Variants in DSCAML1 observed in about 807,000 individuals in gnomAD.
DSCAML1 encodes cell adhesion molecule DSCAML1.
In DSCAML1, 38 loss-of-function variants were observed where a neutral mutation model predicts 200.5. That is an observed-to-expected ratio of 0.19 (90% confidence interval 0.15 to 0.25). The LOEUF is 0.25. Ranked by LOEUF, DSCAML1 falls within the 10% of genes least tolerant of loss-of-function variation. The pLI, the probability that DSCAML1 is intolerant of heterozygous loss-of-function variation, is 1.00. For synonymous variants in DSCAML1, 1,215 were observed against 1,165.0 expected, an observed-to-expected ratio of 1.04 and a Z score of -0.87; for missense variants, 2,223 against 2,858.8, an observed-to-expected ratio of 0.78 and a Z score of 5.07.
At position 117,498,175 on chromosome 11, in the gene DSCAML1, C is replaced by T. The variant is rs572973475; in HGVS notation, c.2359+5670G>A. ...TCTGTGACGAGATAGGACCCACCACCGGGGAACACACAGGAATATCTTGGG... is the reference window on the plus strand; with the variant it reads ...TCTGTGACGAGATAGGACCCACCACTGGGGAACACACAGGAATATCTTGGG... On this transcript the variant is annotated intron_variant, in intron 11 of 32. Transcript: ENST00000651296. The surrounding 1 kb of genome is among the most constrained non-coding windows in gnomAD (Gnocchi z 4.0). 3.5e-4 allele frequency among the ~76,000 whole-genome samples: 54 copies of T among 152,332 alleles called. No homozygotes were observed. The highest frequency in any genetic ancestry group is 1.2e-3 in the African/African-American group (51 of 41,572).
intron 3 of DSCAML1, among the ~76,000 whole-genome samples, chr11:117,571,267 A>G (rs772827957): frequency 6.6e-6 from 1 of 152,194 alleles, no homozygotes; most frequent in Non-Finnish European, 1.5e-5. Flanking sequence ...GATCATCCTT[A>G]TCATTGCAGT....
chr11:117,524,133 C>T (rs538272965), intron 5 of DSCAML1, among the ~76,000 whole-genome samples: 2 of 152,358 alleles, frequency 1.3e-5, no homozygotes, highest in South Asian at 4.1e-4. Context: ...CCCTCTCTGC[C>T]TGCCTTGGGG....
At chr11:117,530,577 C>A (rs57434987) in intron 4 of DSCAML1, among the ~76,000 whole-genome samples, 8,166 of 152,232 alleles carry the variant, frequency 0.054, 398 homozygotes, top group East Asian at 0.12. Context: ...CTCGGCACCT[C>A]GTGTGTGTTA....
rs765325219 is a variant in DSCAML1, at chr11:117,505,056, G to A, written c.2063-13C>T. 1.2e-6 allele frequency: 2 copies of A among 1,608,014 alleles called. No homozygotes were observed. Among genetic ancestry groups the A allele is most frequent in the Non-Finnish European group, 1.7e-6 (2 of 1,176,822 alleles). On this transcript the variant is annotated splice_polypyrimidine_tract_variant and intron_variant, in intron 9 of 32. Coordinates refer to ENST00000651296, the MANE Select transcript of DSCAML1 (RefSeq NM_020693.4). This position sits in a 1 kb window ranked among gnomAD's most constrained non-coding sequence, Gnocchi z 6.7. Reference sequence around the variant, plus strand: ...AATCGAGGGGGCACTGCAGAAAGAGGGAAGGTAGGGAAACAGACCATTTTA... The same window carrying A: ...AATCGAGGGGGCACTGCAGAAAGAGAGAAGGTAGGGAAACAGACCATTTTA...
intron 3 of DSCAML1, among the ~76,000 whole-genome samples, chr11:117,772,958 C>A (rs920717599): frequency 2.6e-5 from 4 of 152,102 alleles, no homozygotes; most frequent in African/African-American, 9.7e-5. Flanking sequence ...GGAGTGGAGG[C>A]GGGTATAGTA....
intron 3 of DSCAML1, among the ~76,000 whole-genome samples, chr11:117,733,361 G>A (rs947390179): frequency 2.6e-5 from 4 of 152,324 alleles, no homozygotes; most frequent in Admixed American, 2.6e-4. Flanking sequence ...GGTGCAGAGT[G>A]GGGCTCAGTG....
intron 3 of DSCAML1, among the ~76,000 whole-genome samples, chr11:117,575,248 A>G (rs2050911684): frequency 6.6e-6 from 1 of 152,218 alleles, no homozygotes; most frequent in Non-Finnish European, 1.5e-5. Context: ...CTCTGGGACC[A>G]CATCTGGAGG....
At chr11:117,795,805 G>C (rs2055561869) in intron 1 of DSCAML1, among the ~76,000 whole-genome samples, 1 of 152,216 alleles carries the variant, frequency 6.6e-6, no homozygotes, top group Non-Finnish European at 1.5e-5. Flanking sequence ...CGGCAGGGCA[G>C]GGTTGGACCC....
intron 3 of DSCAML1, among the ~76,000 whole-genome samples, chr11:117,640,211 C>G (rs373768122): frequency 6.6e-6 from 1 of 152,208 alleles, no homozygotes; most frequent in Admixed American, 6.5e-5. Flanking sequence ...CTTGCCACTC[C>G]CACCTGGCAA....
intron 3 of DSCAML1, among the ~76,000 whole-genome samples, chr11:117,739,348 C>T (rs1565904060): frequency 6.6e-6 from 1 of 152,174 alleles, no homozygotes; most frequent in Non-Finnish European, 1.5e-5. Flanking sequence ...CATCTCAAAC[C>T]TACTCAATCG....
chr11:117,694,093 A>ATT (rs146517305), intron 3 of DSCAML1, among the ~76,000 whole-genome samples: 13,835 of 146,318 alleles, frequency 0.095, 974 homozygotes, highest in East Asian at 0.28. Flanking sequence ...ATATATATAT[A>ATT]TTTTTTAAAT....
intron 3 of DSCAML1, among the ~76,000 whole-genome samples, chr11:117,570,926 T>C (rs2050838470): frequency 6.6e-6 from 1 of 152,244 alleles, no homozygotes; most frequent in Non-Finnish European, 1.5e-5. Flanking sequence ...TCCAGCTCTC[T>C]GCCAGCCTGG....
chr11:117,685,460 A>G (rs575678522), intron 3 of DSCAML1, among the ~76,000 whole-genome samples: 5 of 152,316 alleles, frequency 3.3e-5, no homozygotes, highest in Admixed American at 6.5e-5. Context: ...TGGGCAGGGC[A>G]TGCACAGTTG....
intron 3 of DSCAML1, among the ~76,000 whole-genome samples, chr11:117,715,837 C>T (rs373069739): frequency 6.6e-6 from 1 of 152,156 alleles, no homozygotes; most frequent in African/African-American, 2.4e-5. Context: ...ACTATCCAGT[C>T]GGTGTGGTTT....
At chr11:117,584,768 G>A (rs2051110488) in intron 3 of DSCAML1, among the ~76,000 whole-genome samples, 1 of 152,212 alleles carries the variant, frequency 6.6e-6, no homozygotes, top group Non-Finnish European at 1.5e-5. Context: ...TTTGAACAGA[G>A]AGGATGTGGC....
At chr11:117,557,247 G>A (rs2050575039) in intron 3 of DSCAML1, among the ~76,000 whole-genome samples, 1 of 152,178 alleles carries the variant, frequency 6.6e-6, no homozygotes, top group Admixed American at 6.5e-5. Flanking sequence ...CTGACTTAGA[G>A]AAAGAAGGTG....
chr11:117,566,719 C>T (rs2050764199), intron 3 of DSCAML1, among the ~76,000 whole-genome samples: 2 of 136,962 alleles, frequency 1.5e-5, no homozygotes, highest in African/African-American at 2.7e-5. Flanking sequence ...CCAATGCTAT[C>T]CCTCCCCACT....
chr11:117,472,731 T>C (rs1171751241), intron 14 of DSCAML1, among the ~76,000 whole-genome samples: 3 of 152,172 alleles, frequency 2.0e-5, no homozygotes, highest in Non-Finnish European at 4.4e-5. Flanking sequence ...AGCAAAATTG[T>C]AGGAGGTGGA....
At chr11:117,460,899 C>T (rs1474386965) in intron 18 of DSCAML1, among the ~76,000 whole-genome samples, 1 of 152,096 alleles carries the variant, frequency 6.6e-6, no homozygotes. Flanking sequence ...GCCCTGCTTC[C>T]TCCCTCTCCC....
Sources: gnomAD v4.1 joint callset for allele counts (sites outside exome capture counted in the v4.1 genomes callset) on GRCh38, gnomAD v4.1.1 for gene constraint, Gnocchi (gnomAD v3.1) non-coding constraint, MANE v1.5 for transcripts, NCBI Gene and HGNC (gene_info 2026-07-23, HGNC 2026-07-21) for gene names.